Variants in POU2F3 observed in about 807,000 individuals in gnomAD.
POU2F3 encodes POU domain, class 2, transcription factor 3.
Under a neutral mutation model 59.2 loss-of-function variants are expected in POU2F3, and 23 were observed. The observed-to-expected ratio is 0.39, with a 90% CI of 0.28 to 0.55. The LOEUF (loss-of-function observed/expected upper bound fraction) is 0.55, where lower values mean the gene tolerates loss of function less well. POU2F3 is among the 20% of genes least tolerant of loss of function. The pLI, the probability that POU2F3 is intolerant of heterozygous loss-of-function variation, is 0.66. For synonymous variants in POU2F3, 190 were observed against 214.6 expected, an observed-to-expected ratio of 0.89 and a Z score of 1.00; for missense variants, 473 against 544.5, an observed-to-expected ratio of 0.87 and a Z score of 1.31.
Position 120,315,392 on chromosome 11 carries a change from C to A in POU2F3, c.1100C>A (p.Ser367Tyr). ...VSPSGSLGPL[S>Y]VPPVHSTMPG... ...CCCTCAGGGTCTCTGGGCCCCCTCT[C>A]TGTCCCTCCTGTCCACAGTACCATG... The change falls in exon 11 of 13, where the codon TCT (serine) becomes TAT (tyrosine). Residue 367 changes from serine (S) to tyrosine (Y), a missense_variant. Coordinates refer to ENST00000543440, the MANE Select transcript of POU2F3 (RefSeq NM_014352.4). 2 of 1,613,774 alleles carry A rather than the reference C, an allele frequency of 1.2e-6. No individual in the cohort carries two copies. The highest frequency in any genetic ancestry group is 1.7e-6 in the Non-Finnish European group (2 of 1,179,628).
chr11:120,243,915 A>G (rs867830279), intron 1 of POU2F3, among the ~76,000 whole-genome samples: 9 of 152,152 alleles, frequency 5.9e-5, no homozygotes, highest in African/African-American at 1.9e-4. Flanking sequence ...GATGCCTTTG[A>G]AAGTTATTTT....
At chr11:120,266,495 C>A (rs1017908303) in intron 2 of POU2F3, among the ~76,000 whole-genome samples, 3 of 152,148 alleles carry the variant, frequency 2.0e-5, no homozygotes, top group Non-Finnish European at 4.4e-5. Context: ...AAATTGCAGT[C>A]TTTATCACGA....
At chr11:120,271,409 T>C (rs7484249) in intron 3 of POU2F3, among the ~76,000 whole-genome samples, 77,790 of 152,138 alleles carry the variant, frequency 0.51, 25,235 homozygotes, top group East Asian at 1. Flanking sequence ...ATTCTGTGAT[T>C]CTGATGGATT....
chr11:120,306,590 G>A lies in POU2F3; in HGVS notation c.769+805G>A, dbSNP rs530686685. Among the ~76,000 whole-genome samples the A allele has an allele frequency of 2.6e-4, 40 of 151,858 alleles. No homozygotes were observed. The South Asian group carries it at 8.4e-3, about 32-fold the overall frequency. On this transcript the variant is annotated intron_variant, in intron 8 of 12. Transcript: ENST00000543440. ...TCCAGACATTGCCAAATGTCCCAGGGGGAGTGGTGGTGATGCAGAGTCCCC... is the reference window on the plus strand; with the variant it reads ...TCCAGACATTGCCAAATGTCCCAGGAGGAGTGGTGGTGATGCAGAGTCCCC...
intron 10 of POU2F3, among the ~76,000 whole-genome samples, chr11:120,310,465 A>G (rs1941623452): frequency 2.0e-5 from 3 of 152,192 alleles, no homozygotes; most frequent in Admixed American, 2.0e-4. Flanking sequence ...GTGAGTATGA[A>G]GGAGTTATAT....
intron 2 of POU2F3, among the ~76,000 whole-genome samples, chr11:120,267,041 T>A (rs1237969907): frequency 6.6e-6 from 1 of 152,164 alleles, no homozygotes; most frequent in African/African-American, 2.4e-5. Flanking sequence ...GGATTTTTTT[T>A]AAGAGAAAAG....
intron 3 of POU2F3, among the ~76,000 whole-genome samples, chr11:120,284,015 T>C (rs1940684045): frequency 1.3e-5 from 2 of 151,890 alleles, no homozygotes; most frequent in Admixed American, 1.3e-4. Flanking sequence ...CCATCTCTAC[T>C]AAAAATACAA....
intron 3 of POU2F3, among the ~76,000 whole-genome samples, chr11:120,277,160 G>A (rs1490002343): frequency 6.6e-6 from 1 of 152,100 alleles, no homozygotes; most frequent in Non-Finnish European, 1.5e-5. Flanking sequence ...GCATGGTGGT[G>A]CACGCCTGTA....
In POU2F3 at chr11:120,299,709, C is replaced by T. The variant is rs1591433400; in HGVS notation, c.344C>T (p.Thr115Ile). 1 of 1,612,968 alleles carries T rather than the reference C, an allele frequency of 6.2e-7. No homozygotes were observed. The highest frequency in any genetic ancestry group is 8.5e-7 in the Non-Finnish European group (1 of 1,179,900). Residue 115 changes from threonine to isoleucine, a missense_variant, in exon 5 of 13, where the codon ACC (threonine) becomes ATC (isoleucine). Thr to Ile is a moderately conservative substitution (Grantham distance 89). Coordinates refer to ENST00000543440, the MANE Select transcript of POU2F3 (RefSeq NM_014352.4). ...QSVSQFLLSQ[T>I]QPGQQGLQPN... The stretch of plus-strand genomic sequence containing the variant: ...GTATCCCAGTTCCTGCTATCTCAGA[C>T]CCAGCCTGGGCAGCAAGGTAAGAAC...
chr11:120,290,442 C>T (rs908795350), intron 3 of POU2F3, among the ~76,000 whole-genome samples: 4 of 152,142 alleles, frequency 2.6e-5, no homozygotes, highest in Admixed American at 1.3e-4. Flanking sequence ...GAACAAGCAC[C>T]TCTCAGTAGC....
At chr11:120,310,408 T>C (rs117119582) in intron 10 of POU2F3, among the ~76,000 whole-genome samples, 4,497 of 152,202 alleles carry the variant, frequency 0.03, 95 homozygotes, top group Middle Eastern at 0.054. Flanking sequence ...AACTAAGAAT[T>C]TGGGGCTGGT....
chr11:120,266,101 T>A (rs1266664028), intron 2 of POU2F3, among the ~76,000 whole-genome samples: 2 of 152,188 alleles, frequency 1.3e-5, no homozygotes, highest in African/African-American at 4.8e-5. Flanking sequence ...GGATATCTAA[T>A]TGGCATCTCA....
chr11:120,312,759 G>C (rs551706376), intron 10 of POU2F3, among the ~76,000 whole-genome samples: 11 of 152,152 alleles, frequency 7.2e-5, no homozygotes, highest in African/African-American at 1.9e-4. Flanking sequence ...TGTGATGAAG[G>C]CTTCAGAGAA....
At chr11:120,283,772 C>CGTGTGTGTGTGTGTGTGT (rs36099803) in intron 3 of POU2F3, among the ~76,000 whole-genome samples, 3 of 130,354 alleles carry the variant, frequency 2.3e-5, no homozygotes, top group African/African-American at 2.9e-5. Flanking sequence ...TAATAGGCTT[C>CGTGTGTGTGTGTGTGTGT]GTGTGTGTGT....
chr11:120,275,600 G>T (rs1940284170), intron 3 of POU2F3, among the ~76,000 whole-genome samples: 1 of 152,178 alleles, frequency 6.6e-6, no homozygotes, highest in South Asian at 2.1e-4. Context: ...TATGTATGCT[G>T]TTGAGCATTG....
chr11:120,246,333 A>G (rs1323414423), intron 1 of POU2F3, 116 bp from the exon 2 acceptor site: 17 of 1,073,576 alleles, frequency 1.6e-5, no homozygotes, highest in South Asian at 2.7e-5. Flanking sequence ...CAGGAATTTG[A>G]AAGTCTGATG....
chr11:120,263,197 G>C lies in POU2F3; in HGVS notation c.98-6013G>C, dbSNP rs552386314. ...AGTAGAGACGTCGTTTCACCATGTT[G>C]ATCAGGCTGGTCTCGAACTCCTGAC... On this transcript the variant is annotated intron_variant, in intron 2 of 12. Coordinates refer to ENST00000543440, the MANE Select transcript of POU2F3 (RefSeq NM_014352.4). Among the ~76,000 whole-genome samples the C allele has an allele frequency of 3.9e-5, 6 of 152,178 alleles. No homozygotes were observed. The East Asian group carries it at 1.2e-3, about 29-fold the overall frequency.
intron 3 of POU2F3, among the ~76,000 whole-genome samples, chr11:120,276,313 C>G (rs1260110689): frequency 6.6e-6 from 1 of 152,148 alleles, no homozygotes. Flanking sequence ...GAGCTCCCAG[C>G]CCAGTGGGGA....
At chr11:120,278,255 G>A (rs1320994424) in intron 3 of POU2F3, among the ~76,000 whole-genome samples, 1 of 152,188 alleles carries the variant, frequency 6.6e-6, no homozygotes, top group African/African-American at 2.4e-5. Context: ...GCAAAGAAGT[G>A]TTTATTTGAT....
Sources: allele counts gnomAD v4.1 joint callset (sites outside exome capture counted in the v4.1 genomes callset), GRCh38; gene constraint gnomAD v4.1.1; transcripts MANE v1.5; gene names NCBI Gene and HGNC (gene_info 2026-07-23, HGNC 2026-07-21).